The following CECR2 variants were observed in gnomAD, a reference collection of about 807,000 sequenced individuals.
CECR2 encodes CECR2 histone acetyl-lysine reader.
CECR2 carries 30 observed loss-of-function variants against 154.5 expected under a neutral mutation model. The observed-to-expected ratio is 0.19, with a 90% confidence interval of 0.15 to 0.26. CECR2 has a LOEUF of 0.26. Among genes scored for constraint, CECR2 ranks in the 10% least tolerant of loss-of-function variants. The pLI is 1.00. For missense variants in CECR2, 1,743 were observed against 1,829.3 expected (o/e 0.95, Z 0.86); for synonymous variants, 725 against 683.7 (o/e 1.06, Z -0.94).
intron 9 of CECR2, among the ~76,000 whole-genome samples, chr22:17,529,337 G>C (rs1185192536): frequency 6.6e-6 from 1 of 152,126 alleles, no homozygotes; most frequent in African/African-American, 2.4e-5. Flanking sequence ...AGGAAGGCTG[G>C]CTGGGCATGA....
Position 17,542,692 on chromosome 22 carries a change from G to A in CECR2, c.2549G>A (p.Arg850Gln), listed in dbSNP as rs778996983. 13 of 1,613,858 alleles carry A rather than the reference G, an allele frequency of 8.1e-6. No individual in the cohort carries two copies. The highest frequency in any genetic ancestry group is 1.1e-5 in the South Asian group (1 of 91,082). Reference protein sequence around the residue: ...MRPPCKSAGHRLQPPPVPAPS... With the variant: ...MRPPCKSAGHQLQPPPVPAPS... ...CCGCCCTGCAAGTCTGCCGGACATC[G>A]GTTACAGCCACCTCCAGTGCCAGCA... The change falls in exon 16 of 19, where the codon CGG becomes CAG. Residue 850 changes from arginine (R) to glutamine (Q), a missense_variant. Physicochemically the swap from Arg to Gln is conservative, Grantham distance 43 (BLOSUM62 1). Around this residue, in one of 4 missense-constraint regions of CECR2, gnomAD observed 1,250 missense variants for 1,192.1 expected, o/e 1.05. Coordinates refer to ENST00000262608, the MANE Select transcript of CECR2 (RefSeq NM_001290047.2).
chr22:17,400,678 A>G (rs1228458022), intron 1 of CECR2, among the ~76,000 whole-genome samples: 1 of 152,092 alleles, frequency 6.6e-6, no homozygotes, highest in Non-Finnish European at 1.5e-5. Context: ...TTGTTCTGTA[A>G]ATACCTTGCT....
intron 1 of CECR2, among the ~76,000 whole-genome samples, chr22:17,400,083 G>A (rs117553243): frequency 6.6e-6 from 1 of 152,170 alleles, no homozygotes; most frequent in African/African-American, 2.4e-5. Context: ...CTGAAGTGCA[G>A]ATTTGGCTTC....
chr22:17,452,489 T>A (rs573750513), intron 1 of CECR2, among the ~76,000 whole-genome samples: 2 of 151,870 alleles, frequency 1.3e-5, no homozygotes, highest in South Asian at 4.2e-4. Context: ...GTAGTGGAGG[T>A]AGAGGTAGTG....
intron 3 of CECR2, among the ~76,000 whole-genome samples, chr22:17,497,798 G>T (rs1441147700): frequency 6.6e-6 from 1 of 152,114 alleles, no homozygotes; most frequent in South Asian, 2.1e-4. Flanking sequence ...ACGTTATTTT[G>T]GTCTAATTTC....
At chr22:17,473,283 GTGCTCACAGCTCAA>G (rs1251090814) in intron 1 of CECR2, among the ~76,000 whole-genome samples, 2 of 152,068 alleles carry the variant, frequency 1.3e-5, no homozygotes, top group South Asian at 2.1e-4. Context: ...TCAGATTTCT[GTGCTCACAGCTCAA>G]TGCTCACAGT....
At chr22:17,505,534 C>CTTTTTTTTTTTTTTT (rs11387639) in intron 7 of CECR2, among the ~76,000 whole-genome samples, 4 of 98,842 alleles carry the variant, frequency 4.0e-5, no homozygotes, top group Admixed American at 2.5e-4. Flanking sequence ...CCTCTTTTTC[C>CTTTTTTTTTTTTTTT]TTTTTTTTTT....
At chr22:17,410,777 T>C (rs2054057190) in intron 1 of CECR2, among the ~76,000 whole-genome samples, 1 of 152,216 alleles carries the variant, frequency 6.6e-6, no homozygotes, top group Non-Finnish European at 1.5e-5. Flanking sequence ...GAAATGTTTT[T>C]CCTTGCCAGA....
At chr22:17,369,305 G>GCGCGCCCCGCCCCTC (rs2063025173), upstream of CECR2, 1 of 150,910 alleles carries the variant, frequency 6.6e-6, no homozygotes, top group Non-Finnish European at 1.5e-5. Context: ...GCCCGGGGGC[G>GCGCGCCCCGCCCCTC]CGCGCCCCGC....
intron 6 of CECR2, 141 bp from the exon 7 acceptor site, chr22:17,504,706 G>A: frequency 1.6e-6 from 1 of 620,906 alleles, no homozygotes. Context: ...CTCCCAAAGT[G>A]CTGGGATTAC....
chr22:17,539,278 T>A, intron 13 of CECR2, 159 bp downstream of exon 13: 1 of 752,806 alleles, frequency 1.3e-6, no homozygotes. Context: ...TTATACAGTG[T>A]CTGCCAGGGA....
At position 17,444,424 on chromosome 22, in the gene CECR2, C is replaced by T. The variant is rs543962729; in HGVS notation, c.127-33164C>T. ...GGCAGATCAGTTAAGGTCAGGAGTC[C>T]GAGACCAGCCTGGCTAACATGGCAA... On this transcript the variant is annotated intron_variant, in intron 1 of 18. Coordinates refer to ENST00000262608, the MANE Select transcript of CECR2 (RefSeq NM_001290047.2). Among the ~76,000 whole-genome samples, 9 of 152,132 alleles carry T rather than the reference C, an allele frequency of 5.9e-5. No homozygotes were observed. The South Asian group carries it at 1.9e-3, about 32-fold the overall frequency.
In CECR2 at chr22:17,459,401, C is replaced by T. The variant is rs796198838; in HGVS notation, c.127-18187C>T. Among the ~76,000 whole-genome samples, 4 of 152,214 alleles carry T rather than the reference C, an allele frequency of 2.6e-5. No homozygotes were observed. The South Asian group carries it at 8.3e-4, about 32-fold the overall frequency. On this transcript the variant is annotated intron_variant, in intron 1 of 18. Transcript: ENST00000262608. ...CAACTTCCCGGGTTCAAGCTATCCT[C>T]CCATCTCAGCCACCCGAGTAGCTGG...
intron 1 of CECR2, among the ~76,000 whole-genome samples, chr22:17,442,426 T>C (rs1173660407): frequency 1.3e-5 from 2 of 152,148 alleles, no homozygotes; most frequent in African/African-American, 4.8e-5. Context: ...ATTTTTAAAT[T>C]AGTTGGGCGT....
intron 1 of CECR2, among the ~76,000 whole-genome samples, chr22:17,440,636 T>G (rs1392476211): frequency 1.3e-5 from 2 of 152,162 alleles, no homozygotes; most frequent in Non-Finnish European, 2.9e-5. Flanking sequence ...ATATCTGACT[T>G]GAAGTAATGA....
At chr22:17,443,264 G>A (rs1024642707) in intron 1 of CECR2, among the ~76,000 whole-genome samples, 23 of 152,124 alleles carry the variant, frequency 1.5e-4, no homozygotes, top group Admixed American at 2.6e-4. Context: ...TAAGTTTCCC[G>A]TTTTTAGTTT....
intron 1 of CECR2, among the ~76,000 whole-genome samples, chr22:17,379,330 CTG>C (rs763924028): frequency 3.9e-5 from 6 of 152,148 alleles, no homozygotes; most frequent in Non-Finnish European, 8.8e-5. Flanking sequence ...AGGGAGGGAA[CTG>C]TGAAGCTAAC....
intron 2 of CECR2, among the ~76,000 whole-genome samples, chr22:17,489,394 T>C (rs1255751000): frequency 1.3e-5 from 2 of 152,238 alleles, no homozygotes; most frequent in Non-Finnish European, 2.9e-5. Flanking sequence ...ATGTCTTTTT[T>C]GGTGAAATAT....
chr22:17,529,557 A>G (rs1298115350), intron 9 of CECR2, among the ~76,000 whole-genome samples: 3 of 151,780 alleles, frequency 2.0e-5, no homozygotes, highest in Non-Finnish European at 4.4e-5. Context: ...AAAATTAGCC[A>G]GGCGTGGTGG....
Sources: gnomAD v4.1 joint callset for allele counts (sites outside exome capture counted in the v4.1 genomes callset) on GRCh38, gnomAD v4.1.1 for gene constraint, gnomAD v4.1.1 regional missense constraint, MANE v1.5 for transcripts, NCBI Gene and HGNC (gene_info 2026-07-23, HGNC 2026-07-21) for gene names.